Variants in RYR2 observed in about 807,000 individuals in gnomAD.
RYR2 encodes the protein ryanodine receptor 2, also known as cardiac muscle ryanodine receptor-calcium release channel.
RYR2 carries 227 observed loss-of-function variants against 601.1 expected under a neutral mutation model. The observed-to-expected ratio is 0.38, with a 90% CI of 0.34 to 0.42. RYR2 has a LOEUF of 0.42. Ranked by LOEUF, RYR2 falls within the 10% of genes least tolerant of loss-of-function variation. The probability of loss-of-function intolerance (pLI) is 1.00; values close to 1 mark genes in which losing one functional copy is unlikely to be tolerated. For missense variants in RYR2, 4,646 were observed against 6,156.5 expected (o/e 0.75, Z 8.21); for synonymous variants, 2,223 against 2,175.1 (o/e 1.02, Z -0.61).
At chr1:237,210,820 T>C (rs914611670) in intron 1 of RYR2, among the ~76,000 whole-genome samples, 2 of 152,318 alleles carry the variant, frequency 1.3e-5, no homozygotes, top group East Asian at 1.9e-4. Context: ...ACTAGGACCA[T>C]CCAGGCCAAA....
intron 1 of RYR2, among the ~76,000 whole-genome samples, chr1:237,169,075 T>C (rs964874248): frequency 6.6e-6 from 1 of 152,230 alleles, no homozygotes. Flanking sequence ...GGGTATGTCA[T>C]GGTTATTTCA....
intron 10 of RYR2, among the ~76,000 whole-genome samples, chr1:237,410,698 G>T (rs1704363496): frequency 6.6e-6 from 1 of 152,104 alleles, no homozygotes; most frequent in Non-Finnish European, 1.5e-5. Flanking sequence ...AAGTAGGTCT[G>T]CTCCTGTTTT....
At chr1:237,443,391 A>G (rs1397903724) in intron 13 of RYR2, among the ~76,000 whole-genome samples, 2 of 152,118 alleles carry the variant, frequency 1.3e-5, no homozygotes, top group Non-Finnish European at 2.9e-5. Flanking sequence ...GCCTCCTGCT[A>G]TTTCAATTTT....
intron 3 of RYR2, among the ~76,000 whole-genome samples, chr1:237,354,595 G>A (rs1370617996): frequency 6.6e-6 from 1 of 152,002 alleles, no homozygotes; most frequent in Admixed American, 6.6e-5. Flanking sequence ...GTAGAAAAGT[G>A]CACAATTGCA....
At chr1:237,149,184 G>C (rs1270582753) in intron 1 of RYR2, among the ~76,000 whole-genome samples, 1 of 152,178 alleles carries the variant, frequency 6.6e-6, no homozygotes, top group Non-Finnish European at 1.5e-5. Context: ...TAATTTGTTT[G>C]AAAGGTGTCG....
At chr1:237,181,383 C>A (rs1420646684) in intron 1 of RYR2, among the ~76,000 whole-genome samples, 1 of 152,108 alleles carries the variant, frequency 6.6e-6, no homozygotes, top group East Asian at 1.9e-4. Context: ...AAAGTAAGTT[C>A]TTTACTCAAG....
intron 3 of RYR2, among the ~76,000 whole-genome samples, chr1:237,342,315 T>A (rs950182839): frequency 2.8e-5 from 3 of 105,458 alleles, no homozygotes; most frequent in African/African-American, 9.6e-5. Context: ...GCTAATTAAT[T>A]TTTTTTTTTT....
At chr1:237,747,016 AC>A (rs922211524) in intron 80 of RYR2, among the ~76,000 whole-genome samples, 2 of 152,208 alleles carry the variant, frequency 1.3e-5, no homozygotes, top group African/African-American at 4.8e-5. Flanking sequence ...TTAGATGGTT[AC>A]TTCTTTTATT....
At position 237,158,372 on chromosome 1, in the gene RYR2, G is replaced by A. The variant is rs139506325; in HGVS notation, c.49-112125G>A. On this transcript the variant is annotated intron_variant, in intron 1 of 104. Coordinates refer to ENST00000366574, the MANE Select transcript of RYR2 (RefSeq NM_001035.3). The stretch of plus-strand genomic sequence containing the variant: ...ATTGAAGAGAGAGAACAAGATAAGC[G>A]TCTGGAAGAAAGAGATTAGAGTTCA... 2.7e-4 allele frequency among the ~76,000 whole-genome samples: 41 copies of A among 152,166 alleles called. No individual in the cohort carries two copies. In the South Asian group the frequency reaches 4.4e-3, roughly 16 times the overall value.
intron 2 of RYR2, among the ~76,000 whole-genome samples, chr1:237,309,924 C>T (rs1465115684): frequency 4.6e-5 from 7 of 152,172 alleles, no homozygotes; most frequent in South Asian, 2.1e-4. Context: ...ACTCCGAGTG[C>T]GGGACCCGCC....
chr1:237,812,404 C>G (rs1661346357), intron 100 of RYR2, among the ~76,000 whole-genome samples: 2 of 152,108 alleles, frequency 1.3e-5, no homozygotes, highest in Admixed American at 1.3e-4. Context: ...CTGGGATCCT[C>G]CAAGAAAAGA....
intron 89 of RYR2, among the ~76,000 whole-genome samples, chr1:237,783,153 C>A (rs1346454432): frequency 1.3e-5 from 2 of 151,908 alleles, no homozygotes; most frequent in Non-Finnish European, 2.9e-5. Flanking sequence ...AGGATCTGGT[C>A]TGAAGACCTG....
chr1:237,173,388 A>T (rs1677641268), intron 1 of RYR2, among the ~76,000 whole-genome samples: 1 of 152,208 alleles, frequency 6.6e-6, no homozygotes, highest in Admixed American at 6.5e-5. Context: ...CCTCCTTTGT[A>T]AACTGAGGAC....
rs73119316 is a variant in RYR2 at position 237,148,781 on chromosome 1, G to A, written c.48+106212G>A. On this transcript the variant is annotated intron_variant, in intron 1 of 104. Transcript: ENST00000366574. ...TCATAAAAATAATGATAATTATACC[G>A]ACTTCGTAGGATTGTTACCAAGTGT... 4.3e-3 allele frequency among the ~76,000 whole-genome samples: 649 copies of A among 151,982 alleles called. 4 individuals carry two copies. The highest frequency in any genetic ancestry group is 0.015 in the African/African-American group (610 of 41,466).
Position 237,626,032 on chromosome 1 carries a change from A to C in RYR2, c.6166+228A>C, listed in dbSNP as rs965378334. 2.6e-5 allele frequency among the ~76,000 whole-genome samples: 4 copies of C among 152,242 alleles called. No individual in the cohort carries two copies. The East Asian group carries it at 7.7e-4, about 29-fold the overall frequency. On this transcript the variant is annotated intron_variant, in intron 40 of 104. Transcript: ENST00000366574. ...AGCATGATAAAGATGGATGGTCTCC[A>C]TAGAGAACTAGAAATTTAGGTATTT... is the stretch of plus-strand genomic sequence containing the variant.
rs794728729 is a variant in RYR2, at chr1:237,500,857, A to T, written c.2350A>T (p.Ile784Phe). 6 of 1,613,924 alleles carry T rather than the reference A, an allele frequency of 3.7e-6. No individual in the cohort carries two copies. The South Asian group carries it at 4.4e-5, about 12-fold the overall frequency. The change falls in exon 21 of 105, where the codon ATC becomes TTC. Residue 784 changes from isoleucine to phenylalanine, a missense_variant. By Grantham distance (21) the Ile-to-Phe change is conservative. Around this residue, in one of 17 missense-constraint regions of RYR2, gnomAD observed 1,807 missense variants for 2,088.1 expected, o/e 0.87. Transcript: ENST00000366574. ...TCAAGGAATGTTTGAGAATTTCAAC[A>T]TCGATGGCCTCTTCTTTCCAGTCGT... is the stretch of plus-strand genomic sequence containing the variant. ...PVQGMFENFNIDGLFFPVVSF... is the reference protein window; with the variant it reads ...PVQGMFENFNFDGLFFPVVSF...
At chr1:237,328,195 G>A (rs1049556054) in intron 2 of RYR2, among the ~76,000 whole-genome samples, 4 of 151,998 alleles carry the variant, frequency 2.6e-5, no homozygotes, top group Middle Eastern at 3.2e-3. Flanking sequence ...TGATAACATA[G>A]CGCCCTTTCA....
In RYR2 at chr1:237,500,800, A is replaced by C. The variant is rs748603282; in HGVS notation, c.2293A>C (p.Ser765Arg). The C allele has an allele frequency of 1.2e-5, 19 of 1,614,018 alleles. No homozygotes were observed. Among genetic ancestry groups the C allele is most frequent in the Non-Finnish European group, 1.6e-5 (19 of 1,179,888 alleles). The part of the protein sequence containing the change: ...ISCCLDLSAP[S>R]ISFRINGQPV... Reference sequence around the variant, plus strand: ...TTGCTGTTTAGATCTGAGTGCCCCAAGCATCTCGTTCCGAATTAATGGACA... The same window carrying C: ...TTGCTGTTTAGATCTGAGTGCCCCACGCATCTCGTTCCGAATTAATGGACA... Residue 765 changes from serine (S) to arginine (R), a missense_variant, in exon 21 of 105, where the codon AGC (serine) becomes CGC (arginine). Transcript: ENST00000366574.
At chr1:237,770,635 C>A (rs1399445087) in intron 84 of RYR2, among the ~76,000 whole-genome samples, 172 bp from the exon 85 acceptor site, 1 of 152,200 alleles carries the variant, frequency 6.6e-6, no homozygotes, top group Non-Finnish European at 1.5e-5. Context: ...GTGCCTCTAT[C>A]TGCCAAGCGC....
Sources: allele counts gnomAD v4.1 joint callset (sites outside exome capture counted in the v4.1 genomes callset), GRCh38; gene constraint gnomAD v4.1.1; regional missense constraint gnomAD v4.1.1; transcripts MANE v1.5; gene names NCBI Gene and HGNC (gene_info 2026-07-23, HGNC 2026-07-21).